The following DAB1 variants were observed in gnomAD, a reference collection of about 807,000 sequenced individuals.
DAB1 encodes DAB adaptor protein 1.
In DAB1, 15 loss-of-function variants were observed where a neutral mutation model predicts 64.6. That is an observed-to-expected ratio of 0.23 (90% confidence interval 0.16 to 0.36). The LOEUF is 0.36. Ranked by LOEUF, DAB1 falls within the 10% of genes least tolerant of loss-of-function variation. The probability of loss-of-function intolerance (pLI) is 1.00; values close to 1 mark genes in which losing one functional copy is unlikely to be tolerated. For missense variants in DAB1, 596 were observed against 706.7 expected, an observed-to-expected ratio of 0.84 and a Z score of 1.78; for synonymous variants, 235 against 251.9, an observed-to-expected ratio of 0.93 and a Z score of 0.64.
In DAB1 at chr1:57,585,248, G is replaced by GA. The variant is rs61528761; in HGVS notation, n.625+64343dup. Reference sequence around the variant, plus strand: ...TGGGCGACAGGATGAGACTCTTTCTGAAAAAAAAAAAAAAAAAAAAAAAAA... The same window carrying GA: ...TGGGCGACAGGATGAGACTCTTTCTGAAAAAAAAAAAAAAAAAAAAAAAAAA... On this transcript the variant is annotated intron_variant and non_coding_transcript_variant, in intron 7 of 20. Coordinates refer to the DAB1 transcript ENST00000485760. 4.1e-3 allele frequency among the ~76,000 whole-genome samples: 181 copies of GA among 44,278 alleles called. 28 individuals carry two copies. Among genetic ancestry groups the GA allele is most frequent in the African/African-American group, 0.014 (150 of 10,496 alleles). The allele number at this position is 44,278 out of a possible 152,430, so 29.0% of individuals were successfully genotyped here. A position where few individuals can be genotyped will look rare whatever the true frequency, so the allele number is the denominator to read the frequency against.
At chr1:58,546,359 G>C (rs1025025535) in intron 1 of DAB1, among the ~76,000 whole-genome samples, 1 of 152,210 alleles carries the variant, frequency 6.6e-6, no homozygotes, top group African/African-American at 2.4e-5. Flanking sequence ...CGCGGATAAG[G>C]GCGGGCTGAG....
chr1:58,440,981 G>A (rs1569792258), intron 3 of DAB1, among the ~76,000 whole-genome samples: 1 of 152,218 alleles, frequency 6.6e-6, no homozygotes, highest in African/African-American at 2.4e-5. Context: ...GAAAAACAGT[G>A]CAAAACACGT....
intron 7 of DAB1, chr1:57,605,785 C>A (rs542136631): frequency 7.0e-5 from 24 of 344,722 alleles, no homozygotes; most frequent in Middle Eastern, 9.2e-4. Context: ...GTACCATATT[C>A]ATGATTTGCA....
chr1:58,025,651 G>GTGTA (rs1264790564), intron 5 of DAB1, among the ~76,000 whole-genome samples: 2,950 of 75,200 alleles, frequency 0.039, 63 homozygotes, highest in East Asian at 0.098. Context: ...ATATATGTGT[G>GTGTA]TATATATATA....
rs142695836 is a variant in DAB1 at position 58,218,040 on chromosome 1, G to A, written n.310-67452C>T. On this transcript the variant is annotated intron_variant and non_coding_transcript_variant, in intron 4 of 20. Transcript: ENST00000485760. ...ATTTATTATACATATAATTATGTAT[G>A]TATGTATTGTATATAACCACCTACA... Among the ~76,000 whole-genome samples the A allele has an allele frequency of 5.2e-3, 786 of 151,862 alleles. 9 individuals carry two copies. The highest frequency in any genetic ancestry group is 0.018 in the African/African-American group (733 of 41,446).
intron 3 of DAB1, among the ~76,000 whole-genome samples, chr1:58,475,383 A>T (rs1003958880): frequency 7.2e-5 from 11 of 151,950 alleles, no homozygotes; most frequent in African/African-American, 2.7e-4. Context: ...GCTGGTCTGA[A>T]ACTCCTGACC....
chr1:57,446,347 CA>C (rs1448722972), intron 7 of DAB1, among the ~76,000 whole-genome samples: 2 of 152,066 alleles, frequency 1.3e-5, no homozygotes, highest in African/African-American at 4.8e-5. Context: ...CCTGTAATCC[CA>C]GCACTTTGGG....
chr1:57,316,947 A>C (rs532961185), intron 1 of DAB1, among the ~76,000 whole-genome samples: 1 of 152,328 alleles, frequency 6.6e-6, no homozygotes, highest in Admixed American at 6.5e-5. Flanking sequence ...CTTACTTGTA[A>C]GCAAGTATGC....
intron 4 of DAB1, among the ~76,000 whole-genome samples, chr1:57,128,373 A>G (rs1161045064): frequency 2.0e-5 from 3 of 152,028 alleles, no homozygotes; most frequent in Non-Finnish European, 4.4e-5. Context: ...TGGGATCACA[A>G]TGAGAAAATT....
chr1:57,072,810 G>A (rs1651627677), intron 4 of DAB1, among the ~76,000 whole-genome samples: 1 of 152,152 alleles, frequency 6.6e-6, no homozygotes, highest in Non-Finnish European at 1.5e-5. Flanking sequence ...TGGTGGAGGA[G>A]CTACACTACA....
chr1:58,109,108 G>A (rs11803102), intron 5 of DAB1, among the ~76,000 whole-genome samples: 6 of 152,268 alleles, frequency 3.9e-5, no homozygotes, highest in African/African-American at 1.4e-4. Context: ...TAGTGTTGGG[G>A]CTTTCCTCAC....
intron 5 of DAB1, among the ~76,000 whole-genome samples, chr1:57,906,773 C>T (rs372280564): frequency 6.6e-6 from 1 of 152,094 alleles, no homozygotes; most frequent in Non-Finnish European, 1.5e-5. Context: ...AAACTTAGAG[C>T]CCTGAATAGA....
At chr1:58,113,268 G>A (rs758520991) in intron 5 of DAB1, among the ~76,000 whole-genome samples, 2 of 152,126 alleles carry the variant, frequency 1.3e-5, no homozygotes, top group East Asian at 3.9e-4. Flanking sequence ...AGACAGGACC[G>A]AGCTGTTGAT....
chr1:58,070,139 C>T (rs911070292), intron 5 of DAB1, among the ~76,000 whole-genome samples: 1 of 152,184 alleles, frequency 6.6e-6, no homozygotes, highest in Non-Finnish European at 1.5e-5. Flanking sequence ...GATGATCTGT[C>T]ATCACAGAGA....
intron 1 of DAB1, among the ~76,000 whole-genome samples, chr1:58,529,207 T>C (rs1219284579): frequency 5.9e-5 from 9 of 152,190 alleles, no homozygotes; most frequent in Non-Finnish European, 1.0e-4. Flanking sequence ...AGTTATCCAA[T>C]CTCAAAAACA....
At chr1:58,530,114 T>C (rs1034456994) in intron 1 of DAB1, among the ~76,000 whole-genome samples, 4 of 152,100 alleles carry the variant, frequency 2.6e-5, no homozygotes, top group Non-Finnish European at 5.9e-5. Flanking sequence ...ATCTCCTGAC[T>C]TCGTGATCCA....
chr1:57,502,050 G>C (rs1644294642), intron 7 of DAB1, among the ~76,000 whole-genome samples: 2 of 152,100 alleles, frequency 1.3e-5, no homozygotes, highest in South Asian at 4.1e-4. Context: ...GCCGGTCGCG[G>C]TGGCTCACGC....
At chr1:57,148,842 T>C (rs1659394608) in intron 2 of DAB1, among the ~76,000 whole-genome samples, 1 of 152,220 alleles carries the variant, frequency 6.6e-6, no homozygotes, top group Non-Finnish European at 1.5e-5. Flanking sequence ...ATAACAGCTA[T>C]ATTGAGATAC....
At chr1:57,595,868 G>A (rs1238392494) in intron 7 of DAB1, among the ~76,000 whole-genome samples, 3 of 151,996 alleles carry the variant, frequency 2.0e-5, no homozygotes, top group South Asian at 2.1e-4. Context: ...TTCCCCTTCC[G>A]CCATGATTGT....
Sources: allele counts gnomAD v4.1 joint callset (sites outside exome capture counted in the v4.1 genomes callset), GRCh38; gene constraint gnomAD v4.1.1; transcripts MANE v1.5; gene names NCBI Gene and HGNC (gene_info 2026-07-23, HGNC 2026-07-21).